The following RABEPK variants were observed in gnomAD, a reference collection of about 807,000 sequenced individuals.
RABEPK encodes Rab9 effector protein with kelch motifs, also known as 40 kDa Rab9 effector protein.
In RABEPK, 27 loss-of-function variants were observed where a neutral mutation model predicts 34.1. That is an observed-to-expected ratio of 0.79 (90% CI 0.58 to 1.09). The LOEUF is 1.09. RABEPK is among the 50% of genes least tolerant of loss of function. RABEPK has a pLI of 0.00. For missense variants in RABEPK, 449 were observed against 462.6 expected (o/e 0.97, Z 0.27); for synonymous variants, 172 against 169.2 (o/e 1.02, Z -0.13).
At chr9:125,233,516 G>A (rs951756471) in intron 7 of RABEPK, among the ~76,000 whole-genome samples, 172 bp from the exon 8 acceptor site, 1 of 150,438 alleles carries the variant, frequency 6.6e-6, no homozygotes, top group East Asian at 1.9e-4. Context: ...TTTTTTTTTT[G>A]TATTTTTGGT....
chr9:125,210,821 C>T lies in RABEPK; in HGVS notation c.212-2549C>T, dbSNP rs145460206. On this transcript the variant is annotated intron_variant, in intron 3 of 7. Coordinates refer to ENST00000373538, the MANE Select transcript of RABEPK (RefSeq NM_005833.4). Reference sequence around the variant, plus strand: ...TTTGTTAGGTCCATGTAACATTTCCCTATTGTTTTAATCTTAAGTTTTGTT... The same window carrying T: ...TTTGTTAGGTCCATGTAACATTTCCTTATTGTTTTAATCTTAAGTTTTGTT... Among the ~76,000 whole-genome samples, 521 of 150,552 alleles carry T rather than the reference C, an allele frequency of 3.5e-3. 2 individuals are homozygous for T. Among genetic ancestry groups the T allele is most frequent in the Non-Finnish European group, 6.4e-3 (432 of 67,740 alleles).
intron 4 of RABEPK, among the ~76,000 whole-genome samples, chr9:125,214,966 T>A (rs1246208718): frequency 6.6e-6 from 1 of 151,858 alleles, no homozygotes; most frequent in African/African-American, 2.4e-5. Flanking sequence ...AATTTTGTAT[T>A]TTTAGCAGAG....
chr9:125,233,214 TC>T (rs1832333585), intron 7 of RABEPK, among the ~76,000 whole-genome samples: 1 of 152,072 alleles, frequency 6.6e-6, no homozygotes, highest in Non-Finnish European at 1.5e-5. Context: ...AAGGTTTTTT[TC>T]CTTTTACTCC....
intron 5 of RABEPK, among the ~76,000 whole-genome samples, chr9:125,223,723 TCTAAA>T (rs1170427991): frequency 3.6e-5 from 2 of 55,028 alleles, no homozygotes; most frequent in African/African-American, 1.1e-4. Context: ...AGACCCTGAC[TCTAAA>T]AAAAAAAAAA....
chr9:125,200,874 T>C lies in RABEPK; in HGVS notation c.-39T>C. The C allele has an allele frequency of 2.1e-6, 1 of 471,120 alleles. No homozygotes were observed. Among genetic ancestry groups the C allele is most frequent in the South Asian group, 1.5e-5 (1 of 64,572 alleles). 29.2% of individuals were successfully genotyped at this position (471,120 alleles called of 1,614,324 possible). On this transcript the variant is annotated 5_prime_UTR_variant, in exon 1 of 8. Coordinates refer to ENST00000373538, the MANE Select transcript of RABEPK (RefSeq NM_005833.4). The stretch of plus-strand genomic sequence containing the variant: ...AAGCCAGCCTAACTGAGCTCTGGAC[T>C]TTGGGGACAGCTGTCAGTGGCCTAG...
chr9:125,223,619 G>A (rs900722047), intron 5 of RABEPK, among the ~76,000 whole-genome samples: 2 of 150,810 alleles, frequency 1.3e-5, no homozygotes, highest in African/African-American at 4.9e-5. Flanking sequence ...TAATCCCATC[G>A]GCTCAGGAGG....
chr9:125,220,277 C>G, intron 4 of RABEPK: 2 of 1,340,382 alleles, frequency 1.5e-6, no homozygotes, highest in South Asian at 4.7e-5. Context: ...GCTGGGATTA[C>G]AGGCATGAGC....
At position 125,233,789 on chromosome 9, in the gene RABEPK, G is replaced by T; in HGVS notation, c.928G>T (p.Glu310Ter). The T allele has an allele frequency of 1.2e-6, 2 of 1,614,112 alleles. No homozygotes were observed. Among genetic ancestry groups the T allele is most frequent in the South Asian group, 2.2e-5 (2 of 91,086 alleles). Reference protein sequence around the residue: ...IIPWPVTCASEKEDSNSLTLN... With the variant: ...IIPWPVTCAS Reference sequence around the variant, plus strand: ...TCCATGGCCAGTGACGTGTGCTTCTGAGAAAGAAGATTCCAACTCTCTCAC... The same window carrying T: ...TCCATGGCCAGTGACGTGTGCTTCTTAGAAAGAAGATTCCAACTCTCTCAC... Residue 310 changes from glutamate to a stop codon, truncating the protein, a stop_gained, in exon 8 of 8, where the codon GAG (glutamate) becomes TAG (stop). Transcript: ENST00000373538. LOFTEE classifies it low-confidence loss of function (END_TRUNC).
chr9:125,200,569 T>C lies in RABEPK; in HGVS notation c.-344T>C. ...AGTCACGGCTCGCGACTGGCCTAAG[T>C]CGCCGCAGGTATTGCAGTCCGGGGC... On this transcript the variant is annotated 5_prime_UTR_variant, in exon 1 of 8. Coordinates refer to ENST00000373538, the MANE Select transcript of RABEPK (RefSeq NM_005833.4). 1 of 404,794 alleles carries C rather than the reference T, an allele frequency of 2.5e-6. No individual in the cohort carries two copies. The allele number at this position is 404,794 out of a possible 1,614,324, so 25.1% of individuals were successfully genotyped here. A position where few individuals can be genotyped will look rare whatever the true frequency, so the allele number is the denominator to read the frequency against.
rs552177602 is a variant in RABEPK, at chr9:125,233,893, G to T, written c.1032G>T (p.Gln344His). ...GTGGTGACTCACATGAGGAAAGCCA[G>T]ACTGCTACACTGCTCTGTTTGGTGT... ...SHSGDSHEES[Q>H]TATLLCLVFG... The change falls in exon 8 of 8, where the codon CAG becomes CAT. Residue 344 changes from glutamine to histidine, a missense_variant. By Grantham distance (24) the Gln-to-His change is conservative (BLOSUM62 0). Transcript: ENST00000373538. The T allele has an allele frequency of 1.1e-5, 17 of 1,613,776 alleles. No homozygotes were observed. In the South Asian group the frequency reaches 1.9e-4, roughly 18 times the overall value.
intron 4 of RABEPK, among the ~76,000 whole-genome samples, chr9:125,213,796 T>G (rs1333085480): frequency 1.3e-5 from 2 of 152,166 alleles, no homozygotes; most frequent in African/African-American, 4.8e-5. Flanking sequence ...AGTGGGCTAC[T>G]CAGGTTTATC....
chr9:125,226,863 G>A (rs1831794981), intron 5 of RABEPK, among the ~76,000 whole-genome samples: 1 of 133,458 alleles, frequency 7.5e-6, no homozygotes, highest in Non-Finnish European at 1.6e-5. Flanking sequence ...GACTCTGTCT[G>A]CAAAAAATAA....
chr9:125,207,021 G>A (rs1026294659), intron 2 of RABEPK, among the ~76,000 whole-genome samples: 4 of 151,708 alleles, frequency 2.6e-5, no homozygotes, highest in Non-Finnish European at 4.4e-5. Context: ...CCCGGGAGGC[G>A]GAGGTTGTAG....
intron 6 of RABEPK, among the ~76,000 whole-genome samples, chr9:125,229,981 T>C (rs533169323): frequency 6.6e-6 from 1 of 152,316 alleles, no homozygotes; most frequent in East Asian, 1.9e-4. Flanking sequence ...TTTCTTTTTT[T>C]TGAGATAGTG....
chr9:125,222,267 T>A (rs1365150927), intron 5 of RABEPK: 2 of 151,818 alleles, frequency 1.3e-5, no homozygotes, highest in Non-Finnish European at 2.9e-5. Context: ...TTAAATAATA[T>A]TGGTTTTGAA....
At chr9:125,231,451 T>C (rs1038153219) in intron 6 of RABEPK, among the ~76,000 whole-genome samples, 3 of 152,160 alleles carry the variant, frequency 2.0e-5, no homozygotes, top group African/African-American at 7.2e-5. Context: ...TTACAAGCTA[T>C]AGGGTCTCGG....
chr9:125,216,060 A>G (rs1830910360), intron 4 of RABEPK, among the ~76,000 whole-genome samples: 1 of 152,156 alleles, frequency 6.6e-6, no homozygotes, highest in Non-Finnish European at 1.5e-5. Context: ...TGGGAGGCTG[A>G]GGTGTACAGA....
At chr9:125,206,818 G>A (rs1588332256) in intron 2 of RABEPK, among the ~76,000 whole-genome samples, 1 of 152,096 alleles carries the variant, frequency 6.6e-6, no homozygotes, top group African/African-American at 2.4e-5. Flanking sequence ...AGCCAGGCAC[G>A]GTGGCTCACG....
intron 2 of RABEPK, among the ~76,000 whole-genome samples, chr9:125,205,818 A>G (rs951610002): frequency 1.3e-5 from 2 of 152,218 alleles, no homozygotes; most frequent in African/African-American, 4.8e-5. Flanking sequence ...ATTAAGTGAC[A>G]TCAGAATAGA....
Sources: allele counts gnomAD v4.1 joint callset (sites outside exome capture counted in the v4.1 genomes callset), GRCh38; gene constraint gnomAD v4.1.1; transcripts MANE v1.5; gene names NCBI Gene and HGNC (gene_info 2026-07-23, HGNC 2026-07-21).